GINS4: variants seen among roughly 807,000 people sequenced by gnomAD.
GINS4 encodes the protein DNA replication complex GINS protein SLD5.
GINS4 carries 20 observed loss-of-function variants against 31.1 expected under a neutral mutation model. The ratio of observed to expected loss-of-function variants is 0.64; its 90% CI spans 0.45 to 0.93. GINS4 has a LOEUF of 0.93. Ranked by LOEUF, GINS4 falls within the 40% of genes least tolerant of loss-of-function variation. The pLI is 0.00. For synonymous variants in GINS4, 85 were observed against 97.9 expected (o/e 0.87, Z 0.78); for missense variants, 245 against 273.9 (o/e 0.89, Z 0.75).
At chr8:41,540,869 G>A (rs1806828418) in intron 6 of GINS4, among the ~76,000 whole-genome samples, 1 of 152,176 alleles carries the variant, frequency 6.6e-6, no homozygotes, top group Admixed American at 6.5e-5. Flanking sequence ...CAGTTATGGA[G>A]ACTGGGAAGT....
rs766123365 is a variant in GINS4, at chr8:41,530,335, G to A, written c.96+37G>A. 4.1e-6 allele frequency: 6 copies of A among 1,467,698 alleles called. No homozygotes were observed. The African/African-American group carries it at 4.2e-5, about 10-fold the overall frequency. 90.9% of individuals were successfully genotyped at this position (1,467,698 alleles called of 1,614,324 possible). ...AGATCGAATCCCTTTGCTCCAGTCAGCCTTTTTATTTAGTTCAACTGTGAA... is the reference window on the plus strand; with the variant it reads ...AGATCGAATCCCTTTGCTCCAGTCAACCTTTTTATTTAGTTCAACTGTGAA... On this transcript the variant is annotated intron_variant, in intron 2 of 7. Coordinates refer to ENST00000276533, the MANE Select transcript of GINS4 (RefSeq NM_032336.3).
At chr8:41,541,597 CA>C (rs1282892713) in intron 6 of GINS4, among the ~76,000 whole-genome samples, 2 of 152,158 alleles carry the variant, frequency 1.3e-5, no homozygotes, top group African/African-American at 2.4e-5. Flanking sequence ...CTGAATTGGT[CA>C]TTTTGCTGAG....
chr8:41,536,397 A>G lies in GINS4; in HGVS notation c.134A>G (p.Glu45Gly). ...MNEKFAPELL[E>G]SKPEIVECVM... ...GAAAAGTTTGCCCCTGAGCTGCTGG[A>G]GAGCAAGCCTGAGATTGTAGAATGT... is the stretch of plus-strand genomic sequence containing the variant. The change falls in exon 3 of 8, where the codon GAG becomes GGG. Residue 45 changes from glutamate (E) to glycine (G), a missense_variant. Coordinates refer to ENST00000276533, the MANE Select transcript of GINS4 (RefSeq NM_032336.3). 1 of 1,612,614 alleles carries G rather than the reference A, an allele frequency of 6.2e-7. No homozygotes were observed. The highest frequency in any genetic ancestry group is 8.5e-7 in the Non-Finnish European group (1 of 1,178,680).
At chr8:41,533,037 C>G (rs1189007362) in intron 2 of GINS4, among the ~76,000 whole-genome samples, 1 of 152,106 alleles carries the variant, frequency 6.6e-6, no homozygotes, top group Non-Finnish European at 1.5e-5. Flanking sequence ...ACAGTATGTT[C>G]ACACATTGCT....
At chr8:41,531,949 G>T (rs528964193) in intron 2 of GINS4, among the ~76,000 whole-genome samples, 2 of 152,100 alleles carry the variant, frequency 1.3e-5, no homozygotes, top group African/African-American at 4.8e-5. Context: ...GCACCACCAC[G>T]CCTGGCTACT....
At chr8:41,533,536 C>T (rs1806685040) in intron 2 of GINS4, among the ~76,000 whole-genome samples, 1 of 152,236 alleles carries the variant, frequency 6.6e-6, no homozygotes, top group Admixed American at 6.5e-5. Context: ...AGTGACCCGC[C>T]ACCTGCACGG....
At chr8:41,535,987 T>C (rs1468498211) in intron 2 of GINS4, among the ~76,000 whole-genome samples, 1 of 152,188 alleles carries the variant, frequency 6.6e-6, no homozygotes, top group Admixed American at 6.5e-5. Flanking sequence ...GGGTTATTGC[T>C]TTCTCTCTAA....
In GINS4 at chr8:41,541,918, T is replaced by G. The variant is rs1806847952; in HGVS notation, c.575+19T>G. The G allele has an allele frequency of 6.2e-7, 1 of 1,612,930 alleles. No homozygotes were observed. Among genetic ancestry groups the G allele is most frequent in the Non-Finnish European group, 8.5e-7 (1 of 1,178,858 alleles). On this transcript the variant is annotated intron_variant, in intron 7 of 7. Coordinates refer to ENST00000276533, the MANE Select transcript of GINS4 (RefSeq NM_032336.3). ...AGCAGAGGTGAGTGGCGTGCATCTT[T>G]CACAGTGGGCACATTCCTCCCGATG...
intron 2 of GINS4, among the ~76,000 whole-genome samples, chr8:41,532,547 A>G (rs1484885578): frequency 6.6e-6 from 1 of 152,062 alleles, no homozygotes; most frequent in Non-Finnish European, 1.5e-5. Flanking sequence ...TTAAGAATAT[A>G]GGGCAGGCCG....
chr8:41,533,355 G>A (rs60344864), intron 2 of GINS4, among the ~76,000 whole-genome samples: 124 of 152,330 alleles, frequency 8.1e-4, no homozygotes, highest in African/African-American at 2.8e-3. Flanking sequence ...AGGACAGCTG[G>A]AGCCCCAGGC....
chr8:41,536,021 G>T (rs1351316304), intron 2 of GINS4, among the ~76,000 whole-genome samples: 1 of 152,152 alleles, frequency 6.6e-6, no homozygotes, highest in African/African-American at 2.4e-5. Flanking sequence ...GGCGCTGCCT[G>T]GGGGAACAGT....
Position 41,543,130 on chromosome 8 carries a change from A to G in GINS4, c.*1043A>G, listed in dbSNP as rs183683399. 6.6e-6 allele frequency: 1 copy of G among 152,378 alleles called. No homozygotes were observed. Among genetic ancestry groups the G allele is most frequent in the East Asian group, 1.9e-4 (1 of 5,196 alleles). 9.4% of individuals were successfully genotyped at this position (152,378 alleles called of 1,614,324 possible). A position where few individuals can be genotyped will look rare whatever the true frequency, so the allele number is the denominator to read the frequency against. On this transcript the variant is annotated 3_prime_UTR_variant, in exon 8 of 8. Transcript: ENST00000276533. ...GCCTTCTCCCGTCATACATCATTAG[A>G]CTGTGTAAACTAACATTTTAGAACC...
chr8:41,537,081 T>C, intron 3 of GINS4, 99 bp from the exon 4 acceptor site: 1 of 682,222 alleles, frequency 1.5e-6, no homozygotes, highest in Non-Finnish European at 2.6e-6. Context: ...ATGATATTTT[T>C]GTTTTCCTTG....
chr8:41,534,209 C>G (rs749715917), intron 2 of GINS4: 4 of 400,284 alleles, frequency 1.0e-5, no homozygotes, highest in South Asian at 7.5e-5. Flanking sequence ...TCGAAGACCA[C>G]TGTAGGCAAC....
chr8:41,536,271 C>G, intron 2 of GINS4, 89 bp from the exon 3 acceptor site: 3 of 801,298 alleles, frequency 3.7e-6, no homozygotes, highest in Admixed American at 3.6e-5. Context: ...CCTGCGCCAT[C>G]CCTGGTTTTC....
Position 41,530,235 on chromosome 8 carries a change from C to A in GINS4, c.33C>A (p.Asp11Glu). 6.2e-7 allele frequency: 1 copy of A among 1,613,960 alleles called. No homozygotes were observed. The highest frequency in any genetic ancestry group is 8.5e-7 in the Non-Finnish European group (1 of 1,179,882). Residue 11 changes from aspartate to glutamate, a missense_variant, in exon 2 of 8, where the codon GAC (aspartate) becomes GAA (glutamate). By Grantham distance (45) the Asp-to-Glu change is conservative. Coordinates refer to ENST00000276533, the MANE Select transcript of GINS4 (RefSeq NM_032336.3). ...AAGAAGTGGATTTCCTGGGACAGGA[C>A]TCTGATGGGGGTAGTGAGGAAGTGG... Reference protein sequence around the residue: MTEEVDFLGQDSDGGSEEVVL... With the variant: MTEEVDFLGQESDGGSEEVVL...
At chr8:41,540,616 C>T (rs964551272) in intron 6 of GINS4, among the ~76,000 whole-genome samples, 6 of 152,208 alleles carry the variant, frequency 3.9e-5, no homozygotes, top group African/African-American at 9.7e-5. Context: ...AGGCAGAGCC[C>T]TTACCGTCGG....
intron 2 of GINS4, among the ~76,000 whole-genome samples, chr8:41,533,641 T>C (rs1441442433): frequency 1.3e-5 from 2 of 152,232 alleles, no homozygotes; most frequent in African/African-American, 4.8e-5. Flanking sequence ...GGAGCATATA[T>C]AGGATACCCT....
rs1191518187 is a variant in GINS4, at chr8:41,530,677, A to T, written c.96+379A>T. ...AGCAAGAAAATGCTGAAATGCCTGT[A>T]AGGGAAAACTGGTCATATTTTTCCT... On this transcript the variant is annotated intron_variant, in intron 2 of 7. Coordinates refer to ENST00000276533, the MANE Select transcript of GINS4 (RefSeq NM_032336.3). 2.0e-5 allele frequency among the ~76,000 whole-genome samples: 3 copies of T among 152,214 alleles called. No homozygotes were observed. In the East Asian group the frequency reaches 5.8e-4, roughly 29 times the overall value.
Sources: allele counts gnomAD v4.1 joint callset (sites outside exome capture counted in the v4.1 genomes callset), GRCh38; gene constraint gnomAD v4.1.1; transcripts MANE v1.5; gene names NCBI Gene and HGNC (gene_info 2026-07-23, HGNC 2026-07-21).